The following ZNF365 variants were observed in gnomAD, a reference collection of about 807,000 sequenced individuals.
ZNF365 encodes the protein protein ZNF365.
ZNF365 carries 22 observed loss-of-function variants against 35.0 expected under a neutral mutation model. The observed-to-expected ratio is 0.63, with a 90% confidence interval of 0.45 to 0.90. The LOEUF (loss-of-function observed/expected upper bound fraction) is 0.90. ZNF365 is among the 40% of genes least tolerant of loss of function. The pLI, the probability that ZNF365 is intolerant of heterozygous loss-of-function variation, is 0.00. For synonymous variants in ZNF365, 188 were observed against 196.2 expected, an observed-to-expected ratio of 0.96 and a Z score of 0.35; for missense variants, 448 against 500.3, an observed-to-expected ratio of 0.90 and a Z score of 1.00.
chr10:62,452,013 A>G (rs74158914), intron 3 of ZNF365, among the ~76,000 whole-genome samples: 1,613 of 152,360 alleles, frequency 0.011, 29 homozygotes, highest in African/African-American at 0.036. Flanking sequence ...GATAAGAACC[A>G]TTACTATTCC....
At position 62,398,785 on chromosome 10, in the gene ZNF365, T is replaced by C. The variant is rs201451102; in HGVS notation, c.962+8T>C. 66 of 1,610,594 alleles carry C rather than the reference T, an allele frequency of 4.1e-5. No homozygotes were observed. Among genetic ancestry groups the C allele is most frequent in the Non-Finnish European group, 5.3e-5 (62 of 1,178,578 alleles). The stretch of plus-strand genomic sequence containing the variant: ...TAGGAAGCCCAAATGCCTGTATGTA[T>C]GTATTTTTATACTTGGGCCATTTGA... On this transcript the variant is annotated splice_region_variant and intron_variant, in intron 4 of 4. Transcript: ENST00000395254.
Position 62,386,920 on chromosome 10 carries a change from A to T in ZNF365, c.744-1476A>T, listed in dbSNP as rs190448864. Among the ~76,000 whole-genome samples the T allele has an allele frequency of 5.9e-5, 9 of 152,338 alleles. No individual in the cohort carries two copies. In the East Asian group the frequency reaches 1.5e-3, roughly 26 times the overall value. On this transcript the variant is annotated intron_variant, in intron 2 of 4. Transcript: ENST00000395254. Reference sequence around the variant, plus strand: ...GATTAACAAAAATTAGCATTCACGAATCAAAATTGAAAGAGCCTGAAAGGA... The same window carrying T: ...GATTAACAAAAATTAGCATTCACGATTCAAAATTGAAAGAGCCTGAAAGGA...
At chr10:62,421,464 T>A (rs10761633) in intron 3 of ZNF365, among the ~76,000 whole-genome samples, 2 of 151,872 alleles carry the variant, frequency 1.3e-5, no homozygotes, top group Admixed American at 6.6e-5. Context: ...GTTAAGCGGG[T>A]GGGCTTTAGA....
chr10:62,434,406 T>C (rs549471214), intron 3 of ZNF365, among the ~76,000 whole-genome samples: 1 of 152,318 alleles, frequency 6.6e-6, no homozygotes, highest in East Asian at 1.9e-4. Flanking sequence ...TTTGTGGGTA[T>C]ACTTAACCTC....
Position 62,400,007 on chromosome 10 carries a change from C to T in ZNF365, c.*218C>T. 7.6e-7 allele frequency: 1 copy of T among 1,323,552 alleles called. No individual in the cohort carries two copies. Among genetic ancestry groups the T allele is most frequent in the Non-Finnish European group, 9.6e-7 (1 of 1,039,532 alleles). The allele number at this position is 1,323,552 out of a possible 1,614,324, so 82.0% of individuals were successfully genotyped here. A position where few individuals can be genotyped will look rare whatever the true frequency, so the allele number is the denominator to read the frequency against. ...CCCCCTTTTAGAAGCTTGCAAATTA[C>T]AGAAAGAATAAAAAAATTAAATCAA... On this transcript the variant is annotated 3_prime_UTR_variant, in exon 5 of 5. Transcript: ENST00000395254.
chr10:62,413,311 G>A (rs559921424), intron 3 of ZNF365, among the ~76,000 whole-genome samples: 2 of 152,180 alleles, frequency 1.3e-5, no homozygotes, highest in South Asian at 4.2e-4. Context: ...TACTGCAGAC[G>A]GTTCAGCATT....
rs1301797455 is a variant in ZNF365 at position 62,400,907 on chromosome 10, A to T, written c.*1118A>T. 3.0e-6 allele frequency: 3 copies of T among 985,434 alleles called. No homozygotes were observed. In the African/African-American group the frequency reaches 5.2e-5, roughly 17 times the overall value. 61.0% of individuals were successfully genotyped at this position (985,434 alleles called of 1,614,324 possible). A position where few individuals can be genotyped will look rare whatever the true frequency, so the allele number is the denominator to read the frequency against. On this transcript the variant is annotated 3_prime_UTR_variant, in exon 5 of 5. Coordinates refer to ENST00000395254, the MANE Select transcript of ZNF365 (RefSeq NM_014951.3). ...AAGTAATTTCTGAAATAAACAATGC[A>T]TGTAGGAGCCAGAATCTGACACTGT...
At chr10:62,454,619 C>A (rs938860381) in intron 3 of ZNF365, among the ~76,000 whole-genome samples, 2 of 151,626 alleles carry the variant, frequency 1.3e-5, no homozygotes, top group Non-Finnish European at 2.9e-5. Flanking sequence ...GGTGGTATTA[C>A]ATGTGCTTCA....
intron 3 of ZNF365, among the ~76,000 whole-genome samples, chr10:62,408,818 A>G (rs1839942419): frequency 6.6e-6 from 1 of 151,940 alleles, no homozygotes; most frequent in South Asian, 2.1e-4. Context: ...CAGCCTTTGG[A>G]CTCATATCTT....
At chr10:62,388,895 T>C (rs1162570995) in intron 3 of ZNF365, among the ~76,000 whole-genome samples, 1 of 152,196 alleles carries the variant, frequency 6.6e-6, no homozygotes, top group Non-Finnish European at 1.5e-5. Context: ...TTCATTTCAA[T>C]TTTGATGTTC....
downstream of ZNF365, chr10:62,402,553 A>G (rs1035006425): frequency 1.5e-6 from 1 of 676,080 alleles, no homozygotes; most frequent in Non-Finnish European, 1.8e-6. Flanking sequence ...GCTGTTCATC[A>G]TACATATAAT....
intron 4 of ZNF365, among the ~76,000 whole-genome samples, chr10:62,469,752 T>A (rs951974647): frequency 2.0e-5 from 3 of 152,170 alleles, no homozygotes; most frequent in Admixed American, 6.5e-5. Context: ...ATAGAAACTA[T>A]CTCACTTAAT....
rs190061700 is a variant in ZNF365, at chr10:62,394,063, C to T, written c.925-4677C>T. On this transcript the variant is annotated intron_variant, in intron 3 of 4. Coordinates refer to ENST00000395254, the MANE Select transcript of ZNF365 (RefSeq NM_014951.3). Reference sequence around the variant, plus strand: ...TCCTTATAACAGTGTGTTTCATTGTCATACAGGTTGAGTATACTTTATCCG... The same window carrying T: ...TCCTTATAACAGTGTGTTTCATTGTTATACAGGTTGAGTATACTTTATCCG... Among the ~76,000 whole-genome samples the T allele has an allele frequency of 1.7e-3, 254 of 152,296 alleles. 2 individuals carry two copies. Among genetic ancestry groups the T allele is most frequent in the African/African-American group, 5.6e-3 (231 of 41,552 alleles).
At chr10:62,422,953 C>T (rs1365732778) in intron 3 of ZNF365, among the ~76,000 whole-genome samples, 4 of 152,128 alleles carry the variant, frequency 2.6e-5, no homozygotes, top group Non-Finnish European at 5.9e-5. Context: ...CTCTAGTCTC[C>T]TAAGAAATAT....
chr10:62,477,260 T>C lies in ZNF365; in HGVS notation c.982-2616T>C, dbSNP rs1841147524. On this transcript the variant is annotated intron_variant, in intron 4 of 4. Transcript: ENST00000395255. ...TGGAGAAAGAGAACACTAACTTAAATAAATGAAAAGAGACTGACATCTTAG... is the reference window on the plus strand; with the variant it reads ...TGGAGAAAGAGAACACTAACTTAAACAAATGAAAAGAGACTGACATCTTAG... Among the ~76,000 whole-genome samples, 2 of 152,104 alleles carry C rather than the reference T, an allele frequency of 1.3e-5. 1 individual carries two copies. The highest frequency in any genetic ancestry group is 4.2e-4 in the South Asian group (2 of 4,814).
chr10:62,403,646 A>C (rs1406816275), downstream of ZNF365, among the ~76,000 whole-genome samples: 1 of 152,200 alleles, frequency 6.6e-6, no homozygotes, highest in East Asian at 1.9e-4. Flanking sequence ...TGACAGAGTG[A>C]GACTCCATCT....
At position 62,383,037 on chromosome 10, in the gene ZNF365, C is replaced by T. The variant is rs982799313; in HGVS notation, c.744-5359C>T. Among the ~76,000 whole-genome samples the T allele has an allele frequency of 5.9e-5, 9 of 152,080 alleles. No individual in the cohort carries two copies. In the East Asian group the frequency reaches 7.7e-4, roughly 13 times the overall value. ...ACCCCCTACTCCTGTAGGAGGTACC[C>T]GTAGGTTACTCATTGGTTTTATGCC... On this transcript the variant is annotated intron_variant, in intron 2 of 4. Coordinates refer to ENST00000395254, the MANE Select transcript of ZNF365 (RefSeq NM_014951.3).
chr10:62,398,257 C>T (rs1453892772), intron 3 of ZNF365, among the ~76,000 whole-genome samples: 2 of 152,162 alleles, frequency 1.3e-5, no homozygotes, highest in East Asian at 3.8e-4. Flanking sequence ...CCATGGAATA[C>T]TACTCAGCCA....
intron 3 of ZNF365, among the ~76,000 whole-genome samples, chr10:62,427,868 A>G (rs1840273925): frequency 6.6e-6 from 1 of 152,162 alleles, no homozygotes; most frequent in African/African-American, 2.4e-5. Flanking sequence ...GCTATAGATC[A>G]CAACTGCTTG....
Sources: allele counts gnomAD v4.1 joint callset (sites outside exome capture counted in the v4.1 genomes callset), GRCh38; gene constraint gnomAD v4.1.1; transcripts MANE v1.5; gene names NCBI Gene and HGNC (gene_info 2026-07-23, HGNC 2026-07-21).